OXSR1: variants seen among roughly 807,000 people sequenced by gnomAD.
The protein encoded by OXSR1 is serine/threonine-protein kinase OSR1.
Under a neutral mutation model 79.8 loss-of-function variants are expected in OXSR1, and 24 were observed. The ratio of observed to expected loss-of-function variants is 0.30; its 90% CI spans 0.22 to 0.42. The LOEUF (loss-of-function observed/expected upper bound fraction) is 0.42, where lower values mean the gene tolerates loss of function less well. OXSR1 is among the 10% of genes least tolerant of loss of function. The pLI, the probability that OXSR1 is intolerant of heterozygous loss-of-function variation, is 1.00. For synonymous variants in OXSR1, 226 were observed against 209.2 expected (o/e 1.08, Z -0.69); for missense variants, 430 against 618.4 (o/e 0.70, Z 3.23).
At chr3:38,214,622 T>C (rs772725519) in intron 4 of OXSR1, among the ~76,000 whole-genome samples, 1 of 152,240 alleles carries the variant, frequency 6.6e-6, no homozygotes, top group Non-Finnish European at 1.5e-5. Context: ...TTGTAGTGAC[T>C]AGAATCTGAG....
Position 38,224,564 on chromosome 3 carries a change from C to G in OXSR1, c.703-7C>G. 6.3e-7 allele frequency: 1 copy of G among 1,575,256 alleles called. No homozygotes were observed. Among genetic ancestry groups the G allele is most frequent in the South Asian group, 1.2e-5 (1 of 82,760 alleles). On this transcript the variant is annotated splice_polypyrimidine_tract_variant and splice_region_variant and intron_variant, in intron 7 of 17. Transcript: ENST00000311806. ...ACAAGTTTATAGTATATTGAAAATT[C>G]TTGCAGGTTTTAATGCTGACACTGC...
intron 6 of OXSR1, among the ~76,000 whole-genome samples, chr3:38,223,385 G>C (rs1220299258): frequency 6.6e-6 from 1 of 151,570 alleles, no homozygotes; most frequent in African/African-American, 2.4e-5. Context: ...TCCCACCTCA[G>C]CCTCTCAAAG....
At chr3:38,250,271 G>T in intron 15 of OXSR1, 1 of 377,096 alleles carries the variant, frequency 2.7e-6, no homozygotes, top group Non-Finnish European at 4.8e-6. Flanking sequence ...GCCAGGCATT[G>T]TCTTAAGCGT....
intron 5 of OXSR1, among the ~76,000 whole-genome samples, chr3:38,217,672 C>G (rs899875017): frequency 6.6e-6 from 1 of 152,000 alleles, no homozygotes; most frequent in South Asian, 2.1e-4. Flanking sequence ...GGATTACAGG[C>G]GTGCACCCCT....
chr3:38,243,307 G>A lies in OXSR1; in HGVS notation c.1110+529G>A, dbSNP rs578081042. On this transcript the variant is annotated intron_variant, in intron 12 of 17. Coordinates refer to ENST00000311806, the MANE Select transcript of OXSR1 (RefSeq NM_005109.3). ...GGCCTCCCAAAGTGCTGTAATTACA[G>A]GCATGTGCCAATGTGCCCTGCTGAA... 3.3e-5 allele frequency among the ~76,000 whole-genome samples: 5 copies of A among 152,268 alleles called. No individual in the cohort carries two copies. The East Asian group carries it at 7.7e-4, about 24-fold the overall frequency.
At chr3:38,227,098 G>A (rs755941453) in intron 8 of OXSR1, among the ~76,000 whole-genome samples, 1 of 152,130 alleles carries the variant, frequency 6.6e-6, no homozygotes, top group Non-Finnish European at 1.5e-5. Flanking sequence ...ATTCCAGTTT[G>A]TAAACCAAAA....
intron 2 of OXSR1, among the ~76,000 whole-genome samples, chr3:38,188,444 C>T (rs973775221): frequency 3.9e-5 from 6 of 152,126 alleles, no homozygotes; most frequent in African/African-American, 1.4e-4. Flanking sequence ...ACCCAACTTG[C>T]GCTAATATTA....
intron 11 of OXSR1, among the ~76,000 whole-genome samples, chr3:38,239,937 GT>G (rs2125849037): frequency 6.6e-6 from 1 of 152,146 alleles, no homozygotes; most frequent in African/African-American, 2.4e-5. Context: ...AGGAATCACT[GT>G]TTTTCTTTGC....
chr3:38,199,010 G>A, intron 4 of OXSR1, 147 bp downstream of exon 4: 1 of 574,664 alleles, frequency 1.7e-6, no homozygotes, highest in Non-Finnish European at 3.0e-6. Context: ...TATACAGCTA[G>A]TAAACATTAA....
intron 4 of OXSR1, among the ~76,000 whole-genome samples, chr3:38,210,089 C>CT (rs1178475535): frequency 1.3e-5 from 2 of 151,810 alleles, no homozygotes; most frequent in African/African-American, 4.8e-5. Context: ...AAACAGTTCA[C>CT]TCCACTCTGC....
chr3:38,199,347 T>C (rs1338755055), intron 4 of OXSR1, among the ~76,000 whole-genome samples: 1 of 151,390 alleles, frequency 6.6e-6, no homozygotes. Flanking sequence ...CACTGCAACC[T>C]CGAACTCCTG....
At chr3:38,218,277 A>G (rs1214487113) in intron 5 of OXSR1, among the ~76,000 whole-genome samples, 1 of 151,552 alleles carries the variant, frequency 6.6e-6, no homozygotes, top group Non-Finnish European at 1.5e-5. Context: ...CCAAGAGTGC[A>G]CAAGAATCCA....
chr3:38,232,657 G>T (rs1702835499), intron 10 of OXSR1, among the ~76,000 whole-genome samples: 1 of 151,678 alleles, frequency 6.6e-6, no homozygotes, highest in African/African-American at 2.4e-5. Context: ...CTACTCAGGA[G>T]GCTGAGGTGG....
At chr3:38,242,381 A>G (rs576326481) in intron 11 of OXSR1, among the ~76,000 whole-genome samples, 4 of 152,280 alleles carry the variant, frequency 2.6e-5, no homozygotes, top group South Asian at 4.1e-4. Context: ...AATTAGCTTA[A>G]AAGTTTAGGT....
At chr3:38,208,989 C>T (rs554860886) in intron 4 of OXSR1, among the ~76,000 whole-genome samples, 1,541 of 148,280 alleles carry the variant, frequency 0.01, 29 homozygotes, top group African/African-American at 0.037. Flanking sequence ...TGTGTGTGCG[C>T]GCGCGCGTGC....
At chr3:38,233,043 A>G (rs149822) in intron 10 of OXSR1, among the ~76,000 whole-genome samples, 11,533 of 152,170 alleles carry the variant, frequency 0.076, 512 homozygotes, top group Non-Finnish European at 0.1. Flanking sequence ...TTGGTTGACA[A>G]TCTTAAGATA....
At chr3:38,173,552 A>C (rs1701622952) in intron 1 of OXSR1, among the ~76,000 whole-genome samples, 1 of 152,242 alleles carries the variant, frequency 6.6e-6, no homozygotes, top group South Asian at 2.1e-4. Context: ...TGAAAAGAAG[A>C]AATGTAAGTA....
In OXSR1 at chr3:38,248,064, G is replaced by C. The variant is rs186705660; in HGVS notation, c.1322+332G>C. 5.9e-5 allele frequency among the ~76,000 whole-genome samples: 9 copies of C among 152,260 alleles called. No homozygotes were observed. In the East Asian group the frequency reaches 1.7e-3, roughly 29 times the overall value. ...GTTTTTAGGGGAGCAGCACTAACTG[G>C]CTTATCTGAAGATCAGTCTTATAAT... On this transcript the variant is annotated intron_variant, in intron 14 of 17. Transcript: ENST00000311806.
At chr3:38,223,001 C>T (rs1702619045) in intron 6 of OXSR1, among the ~76,000 whole-genome samples, 1 of 152,136 alleles carries the variant, frequency 6.6e-6, no homozygotes, top group Non-Finnish European at 1.5e-5. Flanking sequence ...ACAGTTTCTT[C>T]ACTGTTGGTG....
Sources: gnomAD v4.1 joint callset for allele counts (sites outside exome capture counted in the v4.1 genomes callset) on GRCh38, gnomAD v4.1.1 for gene constraint, MANE v1.5 for transcripts, NCBI Gene and HGNC (gene_info 2026-07-23, HGNC 2026-07-21) for gene names.